Variants in XYLT1 observed in about 807,000 individuals in gnomAD.
XYLT1 encodes the protein xylosyltransferase 1, also known as beta-D-xylosyltransferase 1.
XYLT1 carries 36 observed loss-of-function variants against 91.3 expected under a neutral mutation model. The ratio of observed to expected loss-of-function variants is 0.39; its 90% confidence interval spans 0.30 to 0.52. XYLT1 has a LOEUF of 0.52. Ranked by LOEUF, XYLT1 falls within the 20% of genes least tolerant of loss-of-function variation. XYLT1 has a pLI of 0.68. For synonymous variants in XYLT1, 588 were observed against 532.0 expected, an observed-to-expected ratio of 1.11 and a Z score of -1.45; for missense variants, 1,242 against 1,284.5, an observed-to-expected ratio of 0.97 and a Z score of 0.51.
intron 2 of XYLT1, among the ~76,000 whole-genome samples, chr16:17,294,372 T>C (rs570513923): frequency 6.6e-6 from 1 of 152,262 alleles, no homozygotes; most frequent in East Asian, 1.9e-4. Flanking sequence ...CCCAACACCG[T>C]CAGAGGGCAT....
chr16:17,323,007 C>T (rs1338838566), intron 2 of XYLT1, among the ~76,000 whole-genome samples: 1 of 152,240 alleles, frequency 6.6e-6, no homozygotes, highest in Non-Finnish European at 1.5e-5. Flanking sequence ...TCCATTTCCT[C>T]ATCCCCAGAG....
intron 1 of XYLT1, among the ~76,000 whole-genome samples, chr16:17,463,350 A>G (rs535178856): frequency 1.1e-4 from 17 of 151,848 alleles, no homozygotes; most frequent in African/African-American, 4.1e-4. Context: ...CAAAATATAT[A>G]AAGAACTCAA....
At chr16:17,447,067 G>A (rs2036601770) in intron 1 of XYLT1, among the ~76,000 whole-genome samples, 1 of 143,598 alleles carries the variant, frequency 7.0e-6, no homozygotes, top group Non-Finnish European at 1.5e-5. Context: ...TCACAACTCA[G>A]TTAGCAGCAA....
At chr16:17,444,647 A>G (rs7404026) in intron 1 of XYLT1, among the ~76,000 whole-genome samples, 17,385 of 152,060 alleles carry the variant, frequency 0.11, 1,085 homozygotes, top group Middle Eastern at 0.16. Flanking sequence ...TGCCCAGCTC[A>G]CCATTTTATT....
At chr16:17,191,611 T>C (rs1346699715) in intron 5 of XYLT1, among the ~76,000 whole-genome samples, 1 of 152,198 alleles carries the variant, frequency 6.6e-6, no homozygotes, top group Non-Finnish European at 1.5e-5. Flanking sequence ...GTCTGCTCTG[T>C]TAGTCTGGGG....
At chr16:17,266,479 G>C (rs990283085) in intron 2 of XYLT1, among the ~76,000 whole-genome samples, 1 of 152,172 alleles carries the variant, frequency 6.6e-6, no homozygotes, top group Non-Finnish European at 1.5e-5. Context: ...GGAACATTAA[G>C]GTTCAGGGAG....
chr16:17,241,145 A>G (rs556614770), intron 3 of XYLT1, among the ~76,000 whole-genome samples: 1 of 152,328 alleles, frequency 6.6e-6, no homozygotes, highest in African/African-American at 2.4e-5. Context: ...TTGCTCTACA[A>G]ATGCATTATT....
intron 2 of XYLT1, among the ~76,000 whole-genome samples, chr16:17,347,583 G>A (rs377343084): frequency 5.3e-5 from 8 of 152,274 alleles, no homozygotes; most frequent in East Asian, 3.9e-4. Flanking sequence ...ACAATCCACC[G>A]TTGGGCATTC....
chr16:17,367,849 G>A (rs2035475015), intron 1 of XYLT1, among the ~76,000 whole-genome samples: 1 of 152,210 alleles, frequency 6.6e-6, no homozygotes, highest in South Asian at 2.1e-4. Flanking sequence ...AGGCATGGGA[G>A]ATCCAGGAGG....
At chr16:17,152,279 A>G (rs1247517219) in intron 6 of XYLT1, among the ~76,000 whole-genome samples, 1 of 152,244 alleles carries the variant, frequency 6.6e-6, no homozygotes, top group Non-Finnish European at 1.5e-5. Context: ...GCTGAGGCCC[A>G]GGGAGGTATG....
At chr16:17,272,254 A>G (rs142627251) in intron 2 of XYLT1, among the ~76,000 whole-genome samples, 2,728 of 141,598 alleles carry the variant, frequency 0.019, 95 homozygotes, top group Admixed American at 0.12. Context: ...CTCGGCCTCC[A>G]AGGTTCAACA....
chr16:17,132,908 T>C (rs1011457249), intron 9 of XYLT1, among the ~76,000 whole-genome samples: 5 of 152,168 alleles, frequency 3.3e-5, no homozygotes, highest in African/African-American at 7.2e-5. Context: ...AAGAGCACTG[T>C]ATAACTAACT....
chr16:17,155,907 AG>A (rs1401411399), intron 6 of XYLT1, among the ~76,000 whole-genome samples: 2 of 152,304 alleles, frequency 1.3e-5, no homozygotes, highest in Middle Eastern at 3.4e-3. Context: ...TCAGGCACCT[AG>A]AGGCAAAATT....
chr16:17,158,986 A>G (rs2031484298), intron 5 of XYLT1, 77 bp from the exon 6 acceptor site: 2 of 1,323,098 alleles, frequency 1.5e-6, no homozygotes, highest in Non-Finnish European at 1.1e-6. Flanking sequence ...AAGTTTCACC[A>G]ATTATGTCAG....
chr16:17,370,911 C>T (rs1247028988), intron 1 of XYLT1, among the ~76,000 whole-genome samples: 1 of 152,198 alleles, frequency 6.6e-6, no homozygotes, highest in East Asian at 1.9e-4. Context: ...CTCCTGCTTG[C>T]CACAGTCCCC....
chr16:17,398,689 C>T (rs1160828035), intron 1 of XYLT1, among the ~76,000 whole-genome samples: 1 of 151,998 alleles, frequency 6.6e-6, no homozygotes, highest in East Asian at 1.9e-4. Context: ...TTCCATGCCC[C>T]TCTCCTGGCT....
intron 1 of XYLT1, among the ~76,000 whole-genome samples, chr16:17,387,633 C>A (rs1052495511): frequency 2.0e-5 from 3 of 152,162 alleles, no homozygotes; most frequent in African/African-American, 7.2e-5. Flanking sequence ...GCCTGGCAGG[C>A]AAGGGAACCG....
chr16:17,270,882 G>T, intron 2 of XYLT1, among the ~76,000 whole-genome samples: 1 of 152,148 alleles, frequency 6.6e-6, no homozygotes, highest in East Asian at 1.9e-4. Context: ...CCAACATCTG[G>T]CTCTCCGCAG....
At chr16:17,390,597 C>A (rs1337970234) in intron 1 of XYLT1, among the ~76,000 whole-genome samples, 1 of 152,234 alleles carries the variant, frequency 6.6e-6, no homozygotes, top group Non-Finnish European at 1.5e-5. Context: ...CTTGCCTTTA[C>A]CTCCAAACCG....
Sources: allele counts gnomAD v4.1 joint callset (sites outside exome capture counted in the v4.1 genomes callset), GRCh38; gene constraint gnomAD v4.1.1; transcripts MANE v1.5; gene names NCBI Gene and HGNC (gene_info 2026-07-23, HGNC 2026-07-21).